Variants in PCM1 observed in about 807,000 individuals in gnomAD.
PCM1 encodes the protein pericentriolar material 1 protein.
Under a neutral mutation model 241.9 loss-of-function variants are expected in PCM1, and 157 were observed. The observed-to-expected ratio is 0.65, with a 90% CI of 0.57 to 0.74. The LOEUF (loss-of-function observed/expected upper bound fraction) is 0.74, where lower values mean the gene tolerates loss of function less well. PCM1 is among the 30% of genes least tolerant of loss of function. PCM1 has a pLI of 0.00. For synonymous variants in PCM1, 1,085 were observed against 784.9 expected, an observed-to-expected ratio of 1.38 and a Z score of -6.39; for missense variants, 3,478 against 2,360.1, an observed-to-expected ratio of 1.47 and a Z score of -9.81.
intron 11 of PCM1, 126 bp downstream of exon 11, chr8:17,956,903 G>C: frequency 1.3e-6 from 1 of 781,734 alleles, no homozygotes; most frequent in Non-Finnish European, 2.0e-6. Context: ...CTACTATTTT[G>C]GTCAGTGTAA....
chr8:17,939,980 C>A, intron 6 of PCM1, 119 bp downstream of exon 6: 1 of 1,235,984 alleles, frequency 8.1e-7, no homozygotes, highest in Non-Finnish European at 1.1e-6. Context: ...TCATGCCATC[C>A]ATTATAACAA....
At chr8:17,966,812 G>A (rs2075050472) in intron 20 of PCM1, among the ~76,000 whole-genome samples, 168 bp from the exon 21 acceptor site, 1 of 152,192 alleles carries the variant, frequency 6.6e-6, no homozygotes, top group African/African-American at 2.4e-5. Flanking sequence ...TGTTCCAGAG[G>A]GAAAGTTATT....
chr8:17,948,214 C>T (rs535232371), intron 7 of PCM1, among the ~76,000 whole-genome samples: 1 of 151,828 alleles, frequency 6.6e-6, no homozygotes, highest in Admixed American at 6.6e-5. Context: ...ACCTAGCCCA[C>T]TGGCTCACCT....
chr8:17,952,740 G>A (rs1483290714), intron 8 of PCM1, among the ~76,000 whole-genome samples: 1 of 151,968 alleles, frequency 6.6e-6, no homozygotes, highest in Admixed American at 6.6e-5. Context: ...GTCCCCAGGG[G>A]TCCTTGAACC....
chr8:18,006,528 G>T, intron 30 of PCM1, 131 bp downstream of exon 30: 1 of 612,596 alleles, frequency 1.6e-6, no homozygotes, highest in Non-Finnish European at 2.9e-6. Context: ...GTCCATTTGG[G>T]ATGATGTTGT....
At chr8:17,963,973 A>G (rs1587005706) in intron 17 of PCM1, among the ~76,000 whole-genome samples, 3 of 152,086 alleles carry the variant, frequency 2.0e-5, no homozygotes, top group South Asian at 4.1e-4. Flanking sequence ...TATATCTACA[A>G]TATTTTATTC....
In PCM1 at chr8:17,972,432, G is replaced by A. The variant is rs201152808; in HGVS notation, c.3688G>A (p.Val1230Met). Residue 1230 changes from valine to methionine, a missense_variant, in exon 23 of 39, where the codon GTG becomes ATG. Coordinates refer to ENST00000325083, the MANE Select transcript of PCM1 (RefSeq NM_006197.4). ...ACCATTTATCAAGACTGGATTTTCA[G>A]TGTCTGTAGAAAAATCTACAAGTAG... ...EKPFIKTGFS[V>M]SVEKSTSSNR... The A allele has an allele frequency of 4.2e-5, 67 of 1,612,844 alleles. No homozygotes were observed. The highest frequency in any genetic ancestry group is 5.5e-5 in the Non-Finnish European group (65 of 1,179,352).
chr8:18,006,455 C>CG (rs898860498), intron 30 of PCM1, 58 bp downstream of exon 30: 22 of 1,225,858 alleles, frequency 1.8e-5, no homozygotes, highest in African/African-American at 6.0e-5. Context: ...GGTTTTTTTT[C>CG]GGGGGGTGGG....
chr8:18,010,922 G>C (rs2092404418), intron 32 of PCM1, among the ~76,000 whole-genome samples: 1 of 152,126 alleles, frequency 6.6e-6, no homozygotes, highest in Non-Finnish European at 1.5e-5. Context: ...GTATTGAGCC[G>C]AGATCATGCC....
At chr8:17,934,406 C>T (rs1290065515) in intron 2 of PCM1, among the ~76,000 whole-genome samples, 5 of 151,956 alleles carry the variant, frequency 3.3e-5, no homozygotes, top group Non-Finnish European at 7.4e-5. Context: ...GGATTACAGG[C>T]ACCTGCCACC....
intron 29 of PCM1, among the ~76,000 whole-genome samples, 171 bp downstream of exon 29, chr8:17,993,790 T>TA (rs1311013865): frequency 6.6e-6 from 1 of 152,246 alleles, no homozygotes; most frequent in Non-Finnish European, 1.5e-5. Context: ...AGTAATATTT[T>TA]ATACACATGT....
chr8:17,948,635 T>G (rs1228408675), intron 7 of PCM1, among the ~76,000 whole-genome samples: 1 of 152,182 alleles, frequency 6.6e-6, no homozygotes, highest in African/African-American at 2.4e-5. Flanking sequence ...ATGATATAGC[T>G]GTATAGAGTA....
chr8:18,027,019 G>A (rs2094278987), intron 38 of PCM1, among the ~76,000 whole-genome samples: 2 of 152,134 alleles, frequency 1.3e-5, no homozygotes, highest in African/African-American at 4.8e-5. Flanking sequence ...CAGCTCTGGA[G>A]CCACTCAATG....
chr8:17,966,848 G>A (rs992222920), intron 20 of PCM1, 132 bp from the exon 21 acceptor site: 31 of 771,700 alleles, frequency 4.0e-5, no homozygotes, highest in Non-Finnish European at 5.4e-5. Flanking sequence ...GAGCAAGCAC[G>A]TATTTGTTAC....
At chr8:17,933,336 A>T (rs1381560562) in intron 2 of PCM1, among the ~76,000 whole-genome samples, 1 of 152,182 alleles carries the variant, frequency 6.6e-6, no homozygotes, top group East Asian at 1.9e-4. Flanking sequence ...GCTAATTTGG[A>T]TTAGCATTCT....
At chr8:17,929,353 G>GT (rs1563594646) in intron 2 of PCM1, among the ~76,000 whole-genome samples, 1 of 152,094 alleles carries the variant, frequency 6.6e-6, no homozygotes, top group Admixed American at 6.5e-5. Context: ...TAATACCAGT[G>GT]TATTTAAGAT....
At chr8:17,941,235 G>A (rs1323735431) in intron 6 of PCM1, among the ~76,000 whole-genome samples, 1 of 152,156 alleles carries the variant, frequency 6.6e-6, no homozygotes, top group East Asian at 1.9e-4. Context: ...TTAGGACGAT[G>A]TGGGTAAAGG....
At chr8:17,991,400 G>A in intron 27 of PCM1, 142 bp from the exon 28 acceptor site, 2 of 602,888 alleles carry the variant, frequency 3.3e-6, no homozygotes, top group Non-Finnish European at 5.8e-6. Context: ...TATATGAAGT[G>A]CTCAAGTAGT....
chr8:17,948,658 A>G (rs1312029683), intron 7 of PCM1, among the ~76,000 whole-genome samples: 1 of 152,196 alleles, frequency 6.6e-6, no homozygotes, highest in Non-Finnish European at 1.5e-5. Context: ...GTATACAGTA[A>G]TAATTACAAA....
Sources: allele counts gnomAD v4.1 joint callset (sites outside exome capture counted in the v4.1 genomes callset), GRCh38; gene constraint gnomAD v4.1.1; transcripts MANE v1.5; gene names NCBI Gene and HGNC (gene_info 2026-07-23, HGNC 2026-07-21).